The following KIF16B variants were observed in gnomAD, a reference collection of about 807,000 sequenced individuals.
KIF16B encodes kinesin-like protein KIF16B.
A neutral mutation model predicts 156.3 loss-of-function variants in KIF16B; 98 were observed. The observed-to-expected ratio is 0.63, with a 90% CI of 0.53 to 0.74. The LOEUF (loss-of-function observed/expected upper bound fraction) is 0.74. KIF16B is among the 30% of genes least tolerant of loss of function. The pLI is 0.00. For missense variants in KIF16B, 1,421 were observed against 1,606.5 expected (o/e 0.88, Z 1.97); for synonymous variants, 564 against 583.7 (o/e 0.97, Z 0.49).
Position 16,513,148 on chromosome 20 carries a change from T to C in KIF16B, c.349-225A>G, listed in dbSNP as rs545371718. ...GGCTGGGACTCTGATAATATACGGT[T>C]ATCAGTTGTTAGTTAAATCATGGCT... is the stretch of plus-strand genomic sequence containing the variant. On this transcript the variant is annotated intron_variant, in intron 4 of 25. Coordinates refer to ENST00000354981, the MANE Select transcript of KIF16B (RefSeq NM_024704.5). Among the ~76,000 whole-genome samples, 3 of 152,304 alleles carry C rather than the reference T, an allele frequency of 2.0e-5. No individual in the cohort carries two copies. The East Asian group carries it at 5.8e-4, about 29-fold the overall frequency.
chr20:16,445,846 A>G (rs956330915), intron 12 of KIF16B, among the ~76,000 whole-genome samples: 1 of 152,212 alleles, frequency 6.6e-6, no homozygotes, highest in Admixed American at 6.5e-5. Flanking sequence ...TAAACATTGC[A>G]TCTAATAAAA....
At chr20:16,441,288 T>C (rs953585320) in intron 12 of KIF16B, among the ~76,000 whole-genome samples, 1 of 152,176 alleles carries the variant, frequency 6.6e-6, no homozygotes, top group African/African-American at 2.4e-5. Flanking sequence ...CGGAAATACG[T>C]CATGCTCATC....
chr20:16,539,269 T>A (rs1168524871), intron 1 of KIF16B, among the ~76,000 whole-genome samples: 1 of 152,158 alleles, frequency 6.6e-6, no homozygotes, highest in Non-Finnish European at 1.5e-5. Context: ...GTTCGGAATT[T>A]CCTAGAGACT....
intron 5 of KIF16B, 110 bp downstream of exon 5, chr20:16,512,716 T>C (rs1004017397): frequency 6.0e-6 from 4 of 669,950 alleles, no homozygotes; most frequent in Non-Finnish European, 1.0e-5. Context: ...AAGGGAAGAC[T>C]TTTTCTTTAG....
intron 25 of KIF16B, among the ~76,000 whole-genome samples, chr20:16,300,127 C>G (rs180775576): frequency 6.6e-6 from 1 of 152,242 alleles, no homozygotes; most frequent in East Asian, 1.9e-4. Flanking sequence ...CTTCTGTGTT[C>G]AAACATTTTA....
At chr20:16,398,517 G>C (rs1262534127) in intron 17 of KIF16B, among the ~76,000 whole-genome samples, 3 of 152,142 alleles carry the variant, frequency 2.0e-5, no homozygotes, top group Admixed American at 6.5e-5. Flanking sequence ...ATCAGATAGA[G>C]AAAGTCAGGA....
At chr20:16,387,831 C>T (rs577323785) in intron 17 of KIF16B, among the ~76,000 whole-genome samples, 1 of 152,060 alleles carries the variant, frequency 6.6e-6, no homozygotes, top group Non-Finnish European at 1.5e-5. Flanking sequence ...AATCATAGGT[C>T]CTCCTCAGGC....
intron 14 of KIF16B, among the ~76,000 whole-genome samples, chr20:16,427,541 C>T (rs2066388725): frequency 6.6e-6 from 1 of 152,060 alleles, no homozygotes; most frequent in African/African-American, 2.4e-5. Flanking sequence ...AGTCGAGTAA[C>T]TTGTTTTAAC....
chr20:16,345,183 G>A (rs1410293483), intron 23 of KIF16B, among the ~76,000 whole-genome samples: 1 of 152,146 alleles, frequency 6.6e-6, no homozygotes, highest in Non-Finnish European at 1.5e-5. Flanking sequence ...GAGCCCATTG[G>A]CTCCATGCTG....
chr20:16,487,380 C>CG (rs2068152113), intron 12 of KIF16B, among the ~76,000 whole-genome samples: 1 of 152,112 alleles, frequency 6.6e-6, no homozygotes, highest in African/African-American at 2.4e-5. Context: ...TCCAGAGGAC[C>CG]GCAGGAAACT....
chr20:16,352,044 A>C (rs1174260875), intron 23 of KIF16B, among the ~76,000 whole-genome samples: 1 of 152,202 alleles, frequency 6.6e-6, no homozygotes, highest in Non-Finnish European at 1.5e-5. Context: ...TCCCCTCTCC[A>C]TGGTTTGCTA....
At chr20:16,304,442 G>C (rs8126093) in intron 25 of KIF16B, among the ~76,000 whole-genome samples, 1 of 152,122 alleles carries the variant, frequency 6.6e-6, no homozygotes, top group Admixed American at 6.5e-5. Flanking sequence ...CTCCAGTTCA[G>C]TTTCCTTGAA....
intron 3 of KIF16B, among the ~76,000 whole-genome samples, chr20:16,524,667 C>T (rs2069472964): frequency 6.6e-6 from 1 of 152,130 alleles, no homozygotes; most frequent in Admixed American, 6.5e-5. Context: ...CCAGCAATCC[C>T]ATTACTGGTT....
At chr20:16,442,639 G>A (rs1266307353) in intron 12 of KIF16B, among the ~76,000 whole-genome samples, 1 of 151,968 alleles carries the variant, frequency 6.6e-6, no homozygotes, top group Non-Finnish European at 1.5e-5. Context: ...TCTTTTGCAA[G>A]CTACTCTGCA....
intron 12 of KIF16B, among the ~76,000 whole-genome samples, chr20:16,437,231 T>A (rs774761642): frequency 6.6e-6 from 1 of 152,206 alleles, no homozygotes; most frequent in Non-Finnish European, 1.5e-5. Context: ...TTTCTCAATT[T>A]TTTTCTAATA....
chr20:16,354,020 T>C, intron 23 of KIF16B, among the ~76,000 whole-genome samples: 1 of 152,224 alleles, frequency 6.6e-6, no homozygotes, highest in Non-Finnish European at 1.5e-5. Context: ...TCTGTGGATT[T>C]GGATTTTATG....
rs138823151 is a variant in KIF16B, at chr20:16,339,089, T to C, written c.3622-3074A>G. 1.7e-3 allele frequency among the ~76,000 whole-genome samples: 266 copies of C among 152,252 alleles called. 3 individuals carry two copies. The highest frequency in any genetic ancestry group is 6.1e-3 in the African/African-American group (255 of 41,542). On this transcript the variant is annotated intron_variant, in intron 23 of 25. Transcript: ENST00000354981. ...GTGCGTTTAAATGCTCATGGAGTAA[T>C]ATGACAGAAAGGAGGCTGTGTTGGT...
chr20:16,274,389 G>T (rs1321589031), intron 25 of KIF16B, among the ~76,000 whole-genome samples: 1 of 152,180 alleles, frequency 6.6e-6, no homozygotes, highest in Non-Finnish European at 1.5e-5. Context: ...TAGGCTCTGG[G>T]AACTGGGGAT....
At chr20:16,516,119 C>G (rs1487374936) in intron 3 of KIF16B, among the ~76,000 whole-genome samples, 1 of 152,166 alleles carries the variant, frequency 6.6e-6, no homozygotes, top group African/African-American at 2.4e-5. Context: ...TTTTAAGGGT[C>G]CAGCTAGTCA....
Sources: allele counts gnomAD v4.1 joint callset (sites outside exome capture counted in the v4.1 genomes callset), GRCh38; gene constraint gnomAD v4.1.1; transcripts MANE v1.5; gene names NCBI Gene and HGNC (gene_info 2026-07-23, HGNC 2026-07-21).